Variants in FARP1 observed in about 807,000 individuals in gnomAD.
FARP1 encodes FERM, ARHGEF and pleckstrin domain-containing protein 1.
In FARP1, 52 loss-of-function variants were observed where a neutral mutation model predicts 128.8. The ratio of observed to expected loss-of-function variants is 0.40; its 90% CI spans 0.32 to 0.51. The LOEUF (loss-of-function observed/expected upper bound fraction) is 0.51. Ranked by LOEUF, FARP1 falls within the 20% of genes least tolerant of loss-of-function variation. FARP1 has a pLI of 0.45. For synonymous variants in FARP1, 580 were observed against 551.8 expected (o/e 1.05, Z -0.72); for missense variants, 1,333 against 1,367.9 (o/e 0.97, Z 0.40).
chr13:98,307,076 T>C (rs1886198697), intron 2 of FARP1, among the ~76,000 whole-genome samples: 1 of 152,190 alleles, frequency 6.6e-6, no homozygotes, highest in East Asian at 1.9e-4. Context: ...AATGTACAAA[T>C]GACAGGACAG....
At chr13:98,211,857 G>A (rs577271446) in intron 1 of FARP1, among the ~76,000 whole-genome samples, 2 of 152,224 alleles carry the variant, frequency 1.3e-5, no homozygotes, top group Non-Finnish European at 2.9e-5. Flanking sequence ...TAAGCAGCCA[G>A]TATTGACCTC....
At chr13:98,231,955 G>A (rs1882137802) in intron 2 of FARP1, among the ~76,000 whole-genome samples, 1 of 152,000 alleles carries the variant, frequency 6.6e-6, no homozygotes, top group Non-Finnish European at 1.5e-5. Flanking sequence ...AGCCTCCCAA[G>A]TAGCTGGGAT....
Position 98,393,669 on chromosome 13 carries a change from G to C in FARP1, c.1115G>C (p.Arg372Pro), listed in dbSNP as rs369996528. The change falls in exon 12 of 27, where the codon CGG (arginine) becomes CCG (proline). Residue 372 changes from arginine (R) to proline (P), a missense_variant. Arg to Pro is a moderately radical substitution (Grantham distance 103). This residue lies in a region of FARP1 where 1,009 missense variants were observed against 969.8 expected (regional missense o/e 1.04). Coordinates refer to ENST00000319562, the MANE Select transcript of FARP1 (RefSeq NM_005766.4). ...ERKHSKIHSI[R>P]SLASQPTELN... ...AAGCACAGCAAGATTCATTCTATCC[G>C]GAGCCTTGCTTCACAGCCTACAGAA... The C allele has an allele frequency of 1.9e-6, 3 of 1,613,836 alleles. No homozygotes were observed. The African/African-American group carries it at 4.0e-5, about 22-fold the overall frequency.
At chr13:98,386,935 C>T (rs1890119538) in intron 8 of FARP1, among the ~76,000 whole-genome samples, 1 of 152,150 alleles carries the variant, frequency 6.6e-6, no homozygotes, top group African/African-American at 2.4e-5. Context: ...ATTGTGAGAG[C>T]AGTGTGGTAT....
intron 3 of FARP1, among the ~76,000 whole-genome samples, chr13:98,361,989 C>T (rs778814405): frequency 1.1e-4 from 16 of 152,144 alleles, no homozygotes; most frequent in Non-Finnish European, 1.6e-4. Context: ...ACGGGTTGGG[C>T]AAAGTGGCTC....
At chr13:98,161,543 A>G (rs1370126901) in intron 1 of FARP1, among the ~76,000 whole-genome samples, 1 of 151,842 alleles carries the variant, frequency 6.6e-6, no homozygotes, top group East Asian at 1.9e-4. Flanking sequence ...AGTCAACATG[A>G]TTGAGGTCAA....
intron 14 of FARP1, 24 bp downstream of exon 14, chr13:98,409,549 CGTGTGTGGCT>C: frequency 6.4e-7 from 1 of 1,567,210 alleles, no homozygotes; most frequent in Non-Finnish European, 8.7e-7. Flanking sequence ...GGCTCAAGCG[CGTGTGTGGCT>C]GTGTGTGCAC....
rs1223191618 is a variant in FARP1, at chr13:98,295,119, ATTAT to A, written c.172-48628_172-48625del. Among the ~76,000 whole-genome samples, 10 of 138,392 alleles carry A rather than the reference ATTAT, an allele frequency of 7.2e-5. 1 individual carries two copies. The highest frequency in any genetic ancestry group is 1.6e-4 in the African/African-American group (6 of 37,408). The allele number at this position is 138,392 out of a possible 152,430, so 90.8% of individuals were successfully genotyped here. Reference sequence around the variant, plus strand: ...CACACACACACATATATCCCCAGGCATTATTTATTTATTTATTTTTTGCAAGTCT... The same window carrying A: ...CACACACACACATATATCCCCAGGCATTATTTATTTATTTTTTGCAAGTCT... On this transcript the variant is annotated intron_variant, in intron 2 of 26. Transcript: ENST00000319562.
chr13:98,437,803 G>A (rs372041331), intron 19 of FARP1: 5 of 1,596,138 alleles, frequency 3.1e-6, no homozygotes, highest in Non-Finnish European at 4.2e-6. Flanking sequence ...CCACACTTAG[G>A]ACAAGCCAGG....
rs767869076 is a variant in FARP1 at position 98,448,368 on chromosome 13, C to G, written c.*51C>G. On this transcript the variant is annotated 3_prime_UTR_variant, in exon 27 of 27. Transcript: ENST00000319562. ...TGGCTGCTTTCCTGGAAGACGTTTC[C>G]TTTCTTCTGTATTAATGAAGCCTGG... The G allele has an allele frequency of 1.4e-6, 2 of 1,389,484 alleles. No individual in the cohort carries two copies. The highest frequency in any genetic ancestry group is 3.4e-5 in the Admixed American group (2 of 59,590). 86.1% of individuals were successfully genotyped at this position (1,389,484 alleles called of 1,614,324 possible). A position where few individuals can be genotyped will look rare whatever the true frequency, so the allele number is the denominator to read the frequency against.
intron 5 of FARP1, among the ~76,000 whole-genome samples, chr13:98,373,323 G>C (rs1334208589): frequency 1.3e-5 from 2 of 152,052 alleles, no homozygotes; most frequent in African/African-American, 4.8e-5. Flanking sequence ...TTTAAAACAG[G>C]TAAAATATTC....
chr13:98,311,845 G>T lies in FARP1; in HGVS notation c.172-31917G>T, dbSNP rs200168014. Among the ~76,000 whole-genome samples the T allele has an allele frequency of 8.0e-4, 77 of 95,850 alleles. 1 individual carries two copies. The East Asian group carries it at 0.027, about 33-fold the overall frequency. 62.9% of individuals were successfully genotyped at this position (95,850 alleles called of 152,430 possible). On this transcript the variant is annotated intron_variant, in intron 2 of 26. Coordinates refer to ENST00000319562, the MANE Select transcript of FARP1 (RefSeq NM_005766.4). ...TTATTTCGTTTTGTTTTTTTTTGTT[G>T]TTTTTTGTTTTTTTTTGAGACGGAG... is the stretch of plus-strand genomic sequence containing the variant.
chr13:98,273,937 C>T (rs1884508578), intron 2 of FARP1, among the ~76,000 whole-genome samples: 1 of 152,176 alleles, frequency 6.6e-6, no homozygotes, highest in African/African-American at 2.4e-5. Flanking sequence ...CAATGACAGA[C>T]TTAGCCACTT....
chr13:98,225,780 C>G (rs952055566), intron 2 of FARP1, among the ~76,000 whole-genome samples: 1 of 152,208 alleles, frequency 6.6e-6, no homozygotes, highest in African/African-American at 2.4e-5. Context: ...AGCTTCCAAA[C>G]TTATTTTTGC....
intron 2 of FARP1, among the ~76,000 whole-genome samples, chr13:98,256,576 T>C (rs1234458255): frequency 2.0e-5 from 3 of 151,910 alleles, no homozygotes; most frequent in African/African-American, 7.3e-5. Context: ...TTCTTTTTTT[T>C]GGAGACAGAG....
chr13:98,258,230 G>A lies in FARP1; in HGVS notation c.171+44817G>A, dbSNP rs902313641. On this transcript the variant is annotated intron_variant, in intron 2 of 26. Coordinates refer to ENST00000319562, the MANE Select transcript of FARP1 (RefSeq NM_005766.4). ...GATCCACCCGCGTCAGCCTCCCAAAGTGCTGGGATTACAGGCATGAGCAAC... is the reference window on the plus strand; with the variant it reads ...GATCCACCCGCGTCAGCCTCCCAAAATGCTGGGATTACAGGCATGAGCAAC... Among the ~76,000 whole-genome samples the A allele has an allele frequency of 2.1e-4, 32 of 152,112 alleles. 1 individual carries two copies. Among genetic ancestry groups the A allele is most frequent in the Non-Finnish European group, 4.4e-4 (30 of 68,016 alleles).
chr13:98,237,196 C>T (rs1317161219), intron 2 of FARP1, among the ~76,000 whole-genome samples: 5 of 151,010 alleles, frequency 3.3e-5, no homozygotes, highest in Admixed American at 1.3e-4. Flanking sequence ...CCCAGGTACT[C>T]GGGAGGCTGA....
intron 1 of FARP1, among the ~76,000 whole-genome samples, chr13:98,181,304 C>A (rs1474740812): frequency 1.3e-5 from 2 of 152,176 alleles, no homozygotes; most frequent in African/African-American, 4.8e-5. Context: ...CTGTGACCGA[C>A]AGCAAATGAC....
chr13:98,184,762 A>T (rs2139213432), intron 1 of FARP1, among the ~76,000 whole-genome samples: 1 of 152,312 alleles, frequency 6.6e-6, no homozygotes, highest in South Asian at 2.1e-4. Flanking sequence ...TTTTAAAAAG[A>T]TTGTTTCTAG....
Sources: gnomAD v4.1 joint callset for allele counts (sites outside exome capture counted in the v4.1 genomes callset) on GRCh38, gnomAD v4.1.1 for gene constraint, gnomAD v4.1.1 regional missense constraint, MANE v1.5 for transcripts, NCBI Gene and HGNC (gene_info 2026-07-23, HGNC 2026-07-21) for gene names.